Variants in DSCAML1 observed in about 807,000 individuals in gnomAD.
The protein encoded by DSCAML1 is DS cell adhesion molecule like 1.
A neutral mutation model predicts 200.5 loss-of-function variants in DSCAML1; 38 were observed. That is an observed-to-expected ratio of 0.19 (90% confidence interval 0.15 to 0.25). The LOEUF (loss-of-function observed/expected upper bound fraction) is 0.25. Among genes scored for constraint, DSCAML1 ranks in the 10% least tolerant of loss-of-function variants. The pLI is 1.00. For synonymous variants in DSCAML1, 1,215 were observed against 1,165.0 expected (o/e 1.04, Z -0.87); for missense variants, 2,223 against 2,858.8 (o/e 0.78, Z 5.07).
chr11:117,793,632 C>T (rs993638736), intron 1 of DSCAML1, among the ~76,000 whole-genome samples: 1 of 152,144 alleles, frequency 6.6e-6, no homozygotes, highest in Non-Finnish European at 1.5e-5. Flanking sequence ...CTGTTTGGGG[C>T]CTGCTTCCCT....
At chr11:117,799,437 A>T (rs2055636574), upstream of DSCAML1, among the ~76,000 whole-genome samples, 1 of 151,934 alleles carries the variant, frequency 6.6e-6, no homozygotes, top group Non-Finnish European at 1.5e-5. Context: ...CTACAACCTG[A>T]GTGTAGGAGG....
intron 1 of DSCAML1, among the ~76,000 whole-genome samples, chr11:117,813,413 G>A (rs1013230402): frequency 5.3e-5 from 8 of 152,016 alleles, no homozygotes; most frequent in South Asian, 2.1e-4. Context: ...TTACACTGCC[G>A]GTTTATACTG....
chr11:117,461,311 TC>T (rs943761792), intron 18 of DSCAML1, 138 bp downstream of exon 18: 1 of 1,256,174 alleles, frequency 8.0e-7, no homozygotes, highest in Non-Finnish European at 1.1e-6. Flanking sequence ...CCCCGTGGTC[TC>T]CCCGTGTGGA....
chr11:117,461,629 G>A (rs749636724), intron 17 of DSCAML1, 33 bp from the exon 18 acceptor site: 6 of 1,598,552 alleles, frequency 3.8e-6, no homozygotes, highest in South Asian at 1.1e-5. Context: ...CAAGGGTCCA[G>A]TCAGTCATGG....
At chr11:117,450,360 G>A (rs1202471023) in intron 20 of DSCAML1, among the ~76,000 whole-genome samples, 189 bp downstream of exon 20, 3 of 152,250 alleles carry the variant, frequency 2.0e-5, no homozygotes, top group Non-Finnish European at 2.9e-5. Flanking sequence ...TGGAACAGAG[G>A]ACTGACCCAA....
chr11:117,585,063 G>A (rs930908687), intron 3 of DSCAML1, among the ~76,000 whole-genome samples: 1 of 152,148 alleles, frequency 6.6e-6, no homozygotes, highest in African/African-American at 2.4e-5. Flanking sequence ...GACGATCTCT[G>A]TCCAGATTAT....
intron 3 of DSCAML1, among the ~76,000 whole-genome samples, chr11:117,630,193 CCTT>C (rs145804325): frequency 0.094 from 14,329 of 152,050 alleles, 770 homozygotes; most frequent in Middle Eastern, 0.13. Flanking sequence ...TTCCAGTGCC[CCTT>C]CTTCTTCTTT....
At chr11:117,460,343 T>A (rs2048453913) in intron 18 of DSCAML1, among the ~76,000 whole-genome samples, 1 of 152,080 alleles carries the variant, frequency 6.6e-6, no homozygotes, top group East Asian at 1.9e-4. Context: ...CACTTCCTAC[T>A]GGCAGTGTGT....
chr11:117,810,452 T>C (rs1692867075), intron 1 of DSCAML1, among the ~76,000 whole-genome samples: 1 of 151,910 alleles, frequency 6.6e-6, no homozygotes, highest in Non-Finnish European at 1.5e-5. Flanking sequence ...ATCCCTTATT[T>C]CCGTGCCCCA....
At chr11:117,749,578 C>G (rs2054571791) in intron 3 of DSCAML1, among the ~76,000 whole-genome samples, 1 of 152,246 alleles carries the variant, frequency 6.6e-6, no homozygotes, top group African/African-American at 2.4e-5. Flanking sequence ...CAGACCTGAG[C>G]CTTCGGAACC....
intron 15 of DSCAML1, among the ~76,000 whole-genome samples, chr11:117,471,269 T>A (rs1026906069): frequency 6.6e-6 from 1 of 152,096 alleles, no homozygotes; most frequent in African/African-American, 2.4e-5. Context: ...CCTCCCAGGT[T>A]CAAGCGATTC....
intron 3 of DSCAML1, among the ~76,000 whole-genome samples, chr11:117,670,336 AGT>A: frequency 2.6e-5 from 4 of 151,964 alleles, no homozygotes; most frequent in Admixed American, 2.6e-4. Flanking sequence ...CTGCCAAATG[AGT>A]TATCATTCAG....
At chr11:117,798,444 TA>T (rs35411556), upstream of DSCAML1, among the ~76,000 whole-genome samples, 29,581 of 152,248 alleles carry the variant, frequency 0.19, 2,932 homozygotes, top group Middle Eastern at 0.28. Context: ...GTGTGTTTTT[TA>T]ATATGTTAAA....
At chr11:117,787,270 T>C (rs1226091087) in intron 1 of DSCAML1, among the ~76,000 whole-genome samples, 1 of 152,200 alleles carries the variant, frequency 6.6e-6, no homozygotes, top group East Asian at 1.9e-4. Context: ...ATGAAGAGCT[T>C]GGGACAGTTT....
chr11:117,529,016 T>C (rs570852112), intron 4 of DSCAML1, among the ~76,000 whole-genome samples: 29 of 148,882 alleles, frequency 1.9e-4, no homozygotes, highest in African/African-American at 7.2e-4. Context: ...GCAGCTACTG[T>C]CTGTCCAGAG....
chr11:117,713,037 T>C (rs2053880073), intron 3 of DSCAML1, among the ~76,000 whole-genome samples: 1 of 152,098 alleles, frequency 6.6e-6, no homozygotes. Flanking sequence ...ACATGAATAA[T>C]TGTCACTAGA....
At chr11:117,698,804 C>T (rs1200083631) in intron 3 of DSCAML1, among the ~76,000 whole-genome samples, 1 of 152,158 alleles carries the variant, frequency 6.6e-6, no homozygotes, top group Non-Finnish European at 1.5e-5. Context: ...TGACCCTCTG[C>T]CCTGTATACC....
intron 3 of DSCAML1, among the ~76,000 whole-genome samples, chr11:117,730,920 A>G (rs2054206446): frequency 6.6e-6 from 1 of 152,346 alleles, no homozygotes; most frequent in South Asian, 2.1e-4. Context: ...CACATATTGT[A>G]TGATTCAATT....
At chr11:117,612,317 C>A (rs2051711831) in intron 3 of DSCAML1, among the ~76,000 whole-genome samples, 1 of 152,196 alleles carries the variant, frequency 6.6e-6, no homozygotes, top group Non-Finnish European at 1.5e-5. Context: ...CACGCCGGAA[C>A]CCAGGCAACA....
Sources: gnomAD v4.1 joint callset for allele counts (sites outside exome capture counted in the v4.1 genomes callset) on GRCh38, gnomAD v4.1.1 for gene constraint, MANE v1.5 for transcripts, NCBI Gene and HGNC (gene_info 2026-07-23, HGNC 2026-07-21) for gene names.